TRDN: variants seen among roughly 807,000 people sequenced by gnomAD.
TRDN encodes the protein triadin in skeletal muscle.
Under a neutral mutation model 149.7 loss-of-function variants are expected in TRDN, and 161 were observed. The ratio of observed to expected loss-of-function variants is 1.08; its 90% CI spans 0.95 to 1.23. The LOEUF (loss-of-function observed/expected upper bound fraction) is 1.23, where lower values mean the gene tolerates loss of function less well. Among genes scored for constraint, TRDN ranks in the 50% most tolerant of loss-of-function variants. TRDN has a pLI of 0.00. For missense variants in TRDN, 896 were observed against 823.5 expected (o/e 1.09, Z -1.08); for synonymous variants, 294 against 250.5 (o/e 1.17, Z -1.64).
At chr6:123,227,367 G>A (rs1322866097) in intron 38 of TRDN, among the ~76,000 whole-genome samples, 2 of 151,848 alleles carry the variant, frequency 1.3e-5, no homozygotes, top group African/African-American at 4.8e-5. Flanking sequence ...TTTGAGTTTG[G>A]AGAAAGACAG....
chr6:123,537,424 G>A (rs377433104), intron 4 of TRDN, among the ~76,000 whole-genome samples: 82 of 152,230 alleles, frequency 5.4e-4, no homozygotes, highest in African/African-American at 1.8e-3. Context: ...GGTAGTCCAA[G>A]TTAGAGTTTT....
chr6:123,293,778 T>C (rs552737615), intron 24 of TRDN, among the ~76,000 whole-genome samples: 59 of 151,568 alleles, frequency 3.9e-4, no homozygotes, highest in Middle Eastern at 3.4e-3. Flanking sequence ...GAGTCACCTG[T>C]TGTCTTAGGA....
At chr6:123,491,758 G>A (rs796141121) in intron 9 of TRDN, among the ~76,000 whole-genome samples, 29 of 152,214 alleles carry the variant, frequency 1.9e-4, no homozygotes, top group African/African-American at 7.0e-4. Flanking sequence ...TAAAATTCCC[G>A]AAACTTTTGT....
At chr6:123,220,156 C>A (rs1355394826) in intron 40 of TRDN, among the ~76,000 whole-genome samples, 1 of 151,664 alleles carries the variant, frequency 6.6e-6, no homozygotes, top group East Asian at 1.9e-4. Flanking sequence ...AAAGTATTTG[C>A]GTTTTGTTTT....
At chr6:123,221,903 T>C (rs1775161848) in intron 39 of TRDN, among the ~76,000 whole-genome samples, 1 of 151,746 alleles carries the variant, frequency 6.6e-6, no homozygotes. Context: ...ATGAACATTT[T>C]AGTCAAAATA....
At chr6:123,386,651 A>G (rs1458388335) in intron 14 of TRDN, among the ~76,000 whole-genome samples, 9 of 152,212 alleles carry the variant, frequency 5.9e-5, no homozygotes, top group Admixed American at 5.9e-4. Context: ...GGATGTCAAG[A>G]GGCAGCTTCT....
At chr6:123,632,418 C>G (rs1382731571) in intron 1 of TRDN, among the ~76,000 whole-genome samples, 2 of 151,788 alleles carry the variant, frequency 1.3e-5, no homozygotes, top group South Asian at 4.1e-4. Context: ...TTTGTGACTT[C>G]CAGACTTTTA....
At chr6:123,552,624 G>A (rs1261594922) in intron 2 of TRDN, among the ~76,000 whole-genome samples, 1 of 152,030 alleles carries the variant, frequency 6.6e-6, no homozygotes, top group African/African-American at 2.4e-5. Context: ...TTCTGCCTTT[G>A]TTTAAAATGT....
intron 1 of TRDN, among the ~76,000 whole-genome samples, chr6:123,614,303 A>AC (rs1325852187): frequency 2.7e-4 from 39 of 146,386 alleles, no homozygotes; most frequent in African/African-American, 7.9e-4. Flanking sequence ...AAAAAAACAA[A>AC]AAAAAAAAAA....
intron 24 of TRDN, among the ~76,000 whole-genome samples, chr6:123,301,768 T>TATATATATACACATATATATATATATAC: frequency 6.5e-5 from 6 of 92,730 alleles, no homozygotes; most frequent in African/African-American, 2.3e-4. Context: ...TATATATATA[T>TATATATATACACATATATATATATATAC]ACATATATAT....
chr6:123,611,705 G>C (rs1784818276), intron 1 of TRDN, among the ~76,000 whole-genome samples: 1 of 152,132 alleles, frequency 6.6e-6, no homozygotes, highest in African/African-American at 2.4e-5. Context: ...TTAGATCTAT[G>C]ATTGTCTGAC....
In TRDN at chr6:123,512,848, C is replaced by T. The variant is rs1430718239; in HGVS notation, c.551-486G>A. On this transcript the variant is annotated intron_variant, in intron 6 of 40. Transcript: ENST00000334268. ...TAGTAAAATATGAGATTTAATTGGG[C>T]AGTTAACAAAGTGTATGCACTGATT... is the stretch of plus-strand genomic sequence containing the variant. Among the ~76,000 whole-genome samples the T allele has an allele frequency of 2.0e-5, 3 of 151,974 alleles. No individual in the cohort carries two copies. The East Asian group carries it at 5.8e-4, about 29-fold the overall frequency.
chr6:123,624,094 A>C (rs1785529644), intron 1 of TRDN, among the ~76,000 whole-genome samples: 2 of 152,146 alleles, frequency 1.3e-5, no homozygotes, highest in East Asian at 3.8e-4. Flanking sequence ...TTAGAATTAA[A>C]ACAGTACCTG....
chr6:123,582,355 G>A (rs573004539), intron 1 of TRDN, among the ~76,000 whole-genome samples: 1 of 152,280 alleles, frequency 6.6e-6, no homozygotes, highest in Non-Finnish European at 1.5e-5. Flanking sequence ...TCCGTGTGAA[G>A]AGACCACCAA....
intron 38 of TRDN, among the ~76,000 whole-genome samples, chr6:123,234,301 A>T (rs1341100916): frequency 6.6e-6 from 1 of 152,106 alleles, no homozygotes. Context: ...CTTTCATATC[A>T]TATATATGTG....
At chr6:123,421,930 C>T (rs921482035) in intron 12 of TRDN, among the ~76,000 whole-genome samples, 1 of 151,692 alleles carries the variant, frequency 6.6e-6, no homozygotes, top group Non-Finnish European at 1.5e-5. Context: ...GCCATAATAG[C>T]ACCACTGCAC....
At chr6:123,402,960 A>G (rs1371878033) in intron 12 of TRDN, among the ~76,000 whole-genome samples, 1 of 152,216 alleles carries the variant, frequency 6.6e-6, no homozygotes, top group African/African-American at 2.4e-5. Flanking sequence ...GTTTGAAGCG[A>G]TGGTACAAAT....
At chr6:123,233,301 A>T (rs888603378) in intron 38 of TRDN, among the ~76,000 whole-genome samples, 1 of 152,140 alleles carries the variant, frequency 6.6e-6, no homozygotes, top group Admixed American at 6.6e-5. Context: ...ATTTAAAGTA[A>T]TAACGAGTTT....
chr6:123,322,145 T>G (rs1779264695), intron 23 of TRDN, among the ~76,000 whole-genome samples: 2 of 152,210 alleles, frequency 1.3e-5, no homozygotes, highest in South Asian at 4.1e-4. Flanking sequence ...ATTATCTTTC[T>G]GAATTAGTAT....
Sources: gnomAD v4.1 joint callset for allele counts (sites outside exome capture counted in the v4.1 genomes callset) on GRCh38, gnomAD v4.1.1 for gene constraint, MANE v1.5 for transcripts, NCBI Gene and HGNC (gene_info 2026-07-23, HGNC 2026-07-21) for gene names.